Variants in ZBTB20 observed in about 807,000 individuals in gnomAD.
The protein encoded by ZBTB20 is zinc finger and BTB domain-containing protein 20.
Under a neutral mutation model 56.9 loss-of-function variants are expected in ZBTB20, and 9 were observed. The ratio of observed to expected loss-of-function variants is 0.16; its 90% CI spans 0.10 to 0.28. The LOEUF (loss-of-function observed/expected upper bound fraction) is 0.28, where lower values mean the gene tolerates loss of function less well. ZBTB20 is among the 10% of genes least tolerant of loss of function. The probability of loss-of-function intolerance (pLI) is 1.00; values close to 1 mark genes in which losing one functional copy is unlikely to be tolerated. For missense variants in ZBTB20, 655 were observed against 1,003.0 expected (o/e 0.65, Z 4.69); for synonymous variants, 417 against 420.7 (o/e 0.99, Z 0.11).
intron 6 of ZBTB20, among the ~76,000 whole-genome samples, chr3:114,558,940 G>A (rs2051635555): frequency 6.6e-6 from 1 of 152,038 alleles, no homozygotes; most frequent in South Asian, 2.1e-4. Flanking sequence ...TCTTCATATG[G>A]CTAGTTTCTA....
chr3:115,111,599 CAT>C (rs2083885553), intron 1 of ZBTB20, among the ~76,000 whole-genome samples: 1 of 152,048 alleles, frequency 6.6e-6, no homozygotes, highest in Admixed American at 6.6e-5. Flanking sequence ...TTTAAAAATA[CAT>C]ATTTACAATA....
intron 7 of ZBTB20, among the ~76,000 whole-genome samples, chr3:114,468,947 GAT>G (rs1333193289): frequency 2.3e-5 from 3 of 132,360 alleles, no homozygotes. Context: ...CTCAGTTCCA[GAT>G]ATTGGTGCCA....
chr3:114,844,764 G>A (rs1230213979), intron 4 of ZBTB20, among the ~76,000 whole-genome samples: 2 of 150,496 alleles, frequency 1.3e-5, no homozygotes, highest in African/African-American at 4.9e-5. Flanking sequence ...TAAAGGATGT[G>A]TAATAGTGTC....
chr3:114,870,855 A>C (rs554694399), intron 4 of ZBTB20, among the ~76,000 whole-genome samples: 1 of 151,750 alleles, frequency 6.6e-6, no homozygotes, highest in Non-Finnish European at 1.5e-5. Flanking sequence ...TCTATCCCTT[A>C]TGGGTACTTT....
chr3:115,056,528 T>C (rs913290527), intron 2 of ZBTB20, among the ~76,000 whole-genome samples: 1 of 152,134 alleles, frequency 6.6e-6, no homozygotes, highest in Non-Finnish European at 1.5e-5. Flanking sequence ...AACAAGCATC[T>C]TTCATATTTT....
At chr3:114,962,993 G>C (rs1301018248) in intron 3 of ZBTB20, among the ~76,000 whole-genome samples, 1 of 151,814 alleles carries the variant, frequency 6.6e-6, no homozygotes, top group African/African-American at 2.4e-5. Context: ...TTTTTTTGTA[G>C]TAATTAGCCA....
intron 10 of ZBTB20, among the ~76,000 whole-genome samples, chr3:114,361,773 G>A (rs1385627362): frequency 6.6e-6 from 1 of 152,180 alleles, no homozygotes; most frequent in Non-Finnish European, 1.5e-5. Context: ...GTCTCTACTT[G>A]CATACAGCTC....
At chr3:114,805,975 C>T (rs2072075720) in intron 4 of ZBTB20, among the ~76,000 whole-genome samples, 1 of 151,746 alleles carries the variant, frequency 6.6e-6, no homozygotes, top group South Asian at 2.1e-4. Flanking sequence ...GATATAACAC[C>T]ACATTTTATT....
intron 3 of ZBTB20, among the ~76,000 whole-genome samples, chr3:114,943,651 G>T (rs534674203): frequency 6.9e-6 from 1 of 144,864 alleles, no homozygotes; most frequent in East Asian, 1.9e-4. Context: ...TAGGTTAATA[G>T]AAAATATCCA....
chr3:115,003,377 A>G (rs1171307408), intron 2 of ZBTB20, among the ~76,000 whole-genome samples: 1 of 151,596 alleles, frequency 6.6e-6, no homozygotes, highest in Admixed American at 6.6e-5. Context: ...GAGAAGGGTG[A>G]ATGGGCATAC....
chr3:114,825,837 T>G (rs2073496574), intron 4 of ZBTB20, among the ~76,000 whole-genome samples: 1 of 151,818 alleles, frequency 6.6e-6, no homozygotes, highest in Non-Finnish European at 1.5e-5. Context: ...AAAGTCAGTA[T>G]GTAGAATTAA....
intron 10 of ZBTB20, among the ~76,000 whole-genome samples, chr3:114,376,728 C>T (rs1032058301): frequency 1.6e-4 from 24 of 152,110 alleles, no homozygotes; most frequent in Admixed American, 1.4e-3. Flanking sequence ...ACTGTTCATG[C>T]GTAAGTGCAT....
intron 7 of ZBTB20, among the ~76,000 whole-genome samples, chr3:114,424,724 T>C (rs1301501136): frequency 7.9e-5 from 12 of 152,152 alleles, no homozygotes. Flanking sequence ...GTTTACGGTC[T>C]TTACTTAGGT....
At chr3:114,576,909 A>G (rs1484034600) in intron 6 of ZBTB20, among the ~76,000 whole-genome samples, 1 of 152,104 alleles carries the variant, frequency 6.6e-6, no homozygotes, top group East Asian at 1.9e-4. Flanking sequence ...AACGAATATT[A>G]GTTAATTTAA....
chr3:114,893,741 G>A (rs1560371033), intron 4 of ZBTB20, among the ~76,000 whole-genome samples: 1 of 152,088 alleles, frequency 6.6e-6, no homozygotes, highest in African/African-American at 2.4e-5. Flanking sequence ...GAAGGGGAGG[G>A]AGTGAGAGAA....
At chr3:114,349,664 C>T (rs367820826) in intron 11 of ZBTB20, among the ~76,000 whole-genome samples, 14 of 152,256 alleles carry the variant, frequency 9.2e-5, no homozygotes, top group African/African-American at 3.1e-4. Context: ...CCTTTTGGAG[C>T]CAAACTATAC....
At chr3:114,666,724 T>C (rs1309840746) in intron 6 of ZBTB20, among the ~76,000 whole-genome samples, 1 of 152,090 alleles carries the variant, frequency 6.6e-6, no homozygotes, top group East Asian at 1.9e-4. Context: ...AGGAGGTACA[T>C]TAAAAGAGGT....
Position 114,330,687 on chromosome 3 carries a change from AG to A in ZBTB20, c.*8317del, listed in dbSNP as rs1271081073. The stretch of plus-strand genomic sequence containing the variant: ...GTAAGTAGCCTTACTTAACAGGGGA[AG>A]GGGAAAAGTCACCAGAATAGAAGAG... On this transcript the variant is annotated 3_prime_UTR_variant, in exon 12 of 12. Coordinates refer to ENST00000675478, the MANE Select transcript of ZBTB20 (RefSeq NM_001348800.3). 1 of 152,212 alleles carries A rather than the reference AG, an allele frequency of 6.6e-6. No homozygotes were observed. The highest frequency in any genetic ancestry group is 6.5e-5 in the Admixed American group (1 of 15,282). 9.4% of individuals were successfully genotyped at this position (152,212 alleles called of 1,614,324 possible). A position where few individuals can be genotyped will look rare whatever the true frequency, so the allele number is the denominator to read the frequency against.
chr3:114,827,700 C>T (rs999253637), intron 4 of ZBTB20, among the ~76,000 whole-genome samples: 1 of 151,708 alleles, frequency 6.6e-6, no homozygotes, highest in Non-Finnish European at 1.5e-5. Context: ...TAAGCCTACT[C>T]CAGAAATTTC....
Sources: gnomAD v4.1 joint callset for allele counts (sites outside exome capture counted in the v4.1 genomes callset) on GRCh38, gnomAD v4.1.1 for gene constraint, MANE v1.5 for transcripts, NCBI Gene and HGNC (gene_info 2026-07-23, HGNC 2026-07-21) for gene names.